The following SH3BGRL2 variants were observed in gnomAD, a reference collection of about 807,000 sequenced individuals.
SH3BGRL2 encodes the protein SH3 domain-binding glutamic acid-rich-like protein 2.
Under a neutral mutation model 14.8 loss-of-function variants are expected in SH3BGRL2, and 21 were observed. The ratio of observed to expected loss-of-function variants is 1.42; its 90% CI spans 1.01 to 2.05. The LOEUF (loss-of-function observed/expected upper bound fraction) is 2.05. SH3BGRL2 is among the 30% of genes most tolerant of loss of function. The pLI, the probability that SH3BGRL2 is intolerant of heterozygous loss-of-function variation, is 0.00. For synonymous variants in SH3BGRL2, 50 were observed against 47.8 expected, an observed-to-expected ratio of 1.05 and a Z score of -0.19; for missense variants, 147 against 130.8, an observed-to-expected ratio of 1.12 and a Z score of -0.61.
Position 79,688,038 on chromosome 6 carries a change from T to C in SH3BGRL2, c.232-8447T>C, listed in dbSNP as rs79482125. On this transcript the variant is annotated intron_variant, in intron 2 of 3. Coordinates refer to ENST00000369838, the MANE Select transcript of SH3BGRL2 (RefSeq NM_031469.4). ...TCTCAGATGCTTGCTTAGTCCATAA[T>C]GGTCTAATCGGAGTGCACAGATAAT... 2.2e-3 allele frequency among the ~76,000 whole-genome samples: 338 copies of C among 152,318 alleles called. 1 individual carries two copies. The highest frequency in any genetic ancestry group is 7.8e-3 in the African/African-American group (325 of 41,582).
chr6:79,623,315 AAAT>A, the SH3BGRL2 span, among the ~76,000 whole-genome samples: 4 of 152,014 alleles, frequency 2.6e-5, no homozygotes, highest in Middle Eastern at 3.2e-3. Context: ...AAAAAAAAAA[AAAT>A]GTCTGATTTA....
At chr6:79,586,371 A>T in the SH3BGRL2 span, among the ~76,000 whole-genome samples, 1 of 151,418 alleles carries the variant, frequency 6.6e-6, no homozygotes, top group Non-Finnish European at 1.5e-5. Context: ...CTCTAAAGAC[A>T]TTAGTATCAG....
At chr6:79,666,567 C>A (rs1769663905) in intron 1 of SH3BGRL2, among the ~76,000 whole-genome samples, 1 of 152,168 alleles carries the variant, frequency 6.6e-6, no homozygotes, top group South Asian at 2.1e-4. Context: ...AGGTACCCTA[C>A]TCAATCACTG....
chr6:79,578,980 A>G, the SH3BGRL2 span, among the ~76,000 whole-genome samples: 21 of 152,322 alleles, frequency 1.4e-4, no homozygotes, highest in South Asian at 4.1e-4. Context: ...GCTGAAAACC[A>G]TGGTATGAGA....
At chr6:79,655,010 GAC>G (rs900423819) in intron 1 of SH3BGRL2, among the ~76,000 whole-genome samples, 6 of 152,248 alleles carry the variant, frequency 3.9e-5, no homozygotes, top group African/African-American at 1.4e-4. Flanking sequence ...GGGAATTAAT[GAC>G]ACAGTGAAAA....
At chr6:79,562,843 T>A in the SH3BGRL2 span, among the ~76,000 whole-genome samples, 1 of 152,198 alleles carries the variant, frequency 6.6e-6, no homozygotes, top group Non-Finnish European at 1.5e-5. Flanking sequence ...AAAAAACTCA[T>A]AATGTTTTAA....
intron 1 of SH3BGRL2, among the ~76,000 whole-genome samples, chr6:79,639,419 T>C (rs1211597497): frequency 6.6e-6 from 1 of 152,048 alleles, no homozygotes; most frequent in African/African-American, 2.4e-5. Flanking sequence ...CAAAACCCCA[T>C]CTCTACAAAA....
the SH3BGRL2 span, among the ~76,000 whole-genome samples, chr6:79,573,601 T>G: frequency 6.6e-6 from 1 of 152,178 alleles, no homozygotes; most frequent in Non-Finnish European, 1.5e-5. Flanking sequence ...TATCTTTATG[T>G]TCCGAGTATT....
At chr6:79,620,040 GA>G in the SH3BGRL2 span, among the ~76,000 whole-genome samples, 1 of 151,986 alleles carries the variant, frequency 6.6e-6, no homozygotes. Flanking sequence ...TCTTTATATT[GA>G]TTTTTTTTCC....
chr6:79,598,407 A>G, the SH3BGRL2 span, among the ~76,000 whole-genome samples: 2 of 152,240 alleles, frequency 1.3e-5, no homozygotes, highest in African/African-American at 4.8e-5. Context: ...TATCCGTACA[A>G]TGGAAGATTA....
chr6:79,692,737 C>T (rs151305702), intron 2 of SH3BGRL2, among the ~76,000 whole-genome samples: 8 of 152,150 alleles, frequency 5.3e-5, no homozygotes, highest in African/African-American at 1.4e-4. Context: ...GGTACCAGTA[C>T]CATGCTGTTT....
intron 1 of SH3BGRL2, among the ~76,000 whole-genome samples, chr6:79,636,788 A>G (rs910763620): frequency 7.9e-5 from 12 of 152,162 alleles, no homozygotes; most frequent in Non-Finnish European, 1.5e-4. Context: ...CTTCACATTC[A>G]TATGGCATTC....
the SH3BGRL2 span, among the ~76,000 whole-genome samples, chr6:79,540,036 C>A: frequency 6.6e-6 from 1 of 152,028 alleles, no homozygotes; most frequent in Non-Finnish European, 1.5e-5. Context: ...TTAATAGATT[C>A]TAGGTAAATA....
chr6:79,598,557 T>TAATC, the SH3BGRL2 span, among the ~76,000 whole-genome samples: 3 of 152,058 alleles, frequency 2.0e-5, no homozygotes, highest in Non-Finnish European at 4.4e-5. Context: ...CCACAGTAAG[T>TAATC]AATCTATAGA....
At chr6:79,631,031 T>C (rs966695786), upstream of SH3BGRL2, among the ~76,000 whole-genome samples, 2 of 152,200 alleles carry the variant, frequency 1.3e-5, no homozygotes, top group African/African-American at 4.8e-5. Context: ...GAACCCAAGC[T>C]TGGACTTTGA....
intron 1 of SH3BGRL2, among the ~76,000 whole-genome samples, chr6:79,648,275 T>TGC (rs1769185931): frequency 7.6e-6 from 1 of 131,400 alleles, no homozygotes; most frequent in Non-Finnish European, 1.6e-5. Context: ...TATATATATA[T>TGC]ATATATATTT....
At chr6:79,653,217 A>C (rs920718001) in intron 1 of SH3BGRL2, among the ~76,000 whole-genome samples, 3 of 152,194 alleles carry the variant, frequency 2.0e-5, no homozygotes, top group African/African-American at 7.2e-5. Context: ...AAAGACAACG[A>C]GTTATTCTGA....
intron 1 of SH3BGRL2, among the ~76,000 whole-genome samples, chr6:79,663,112 A>C (rs1034762811): frequency 2.0e-5 from 3 of 151,942 alleles, no homozygotes; most frequent in Non-Finnish European, 4.4e-5. Context: ...CAGCTCAGAG[A>C]AGTTTGTTAT....
the SH3BGRL2 span, among the ~76,000 whole-genome samples, chr6:79,551,211 A>C: frequency 2.0e-5 from 3 of 152,210 alleles, no homozygotes; most frequent in East Asian, 5.8e-4. Flanking sequence ...TTTCCATTAC[A>C]AGCTGCAAGG....
Sources: gnomAD v4.1 joint callset for allele counts (sites outside exome capture counted in the v4.1 genomes callset) on GRCh38, gnomAD v4.1.1 for gene constraint, MANE v1.5 for transcripts, NCBI Gene and HGNC (gene_info 2026-07-23, HGNC 2026-07-21) for gene names.